The following SPINK5 variants were observed in gnomAD, a reference collection of about 807,000 sequenced individuals.
SPINK5 encodes the protein serine protease inhibitor Kazal-type 5.
SPINK5 carries 125 observed loss-of-function variants against 151.8 expected under a neutral mutation model. The observed-to-expected ratio is 0.82, with a 90% CI of 0.71 to 0.96. The LOEUF is 0.96. SPINK5 is among the 40% of genes least tolerant of loss of function. The probability of loss-of-function intolerance (pLI) is 0.00; values close to 1 mark genes in which losing one functional copy is unlikely to be tolerated. For synonymous variants in SPINK5, 374 were observed against 395.3 expected, an observed-to-expected ratio of 0.95 and a Z score of 0.64; for missense variants, 1,194 against 1,291.9, an observed-to-expected ratio of 0.92 and a Z score of 1.16.
intron 30 of SPINK5, among the ~76,000 whole-genome samples, chr5:148,130,180 T>G (rs914730372): frequency 6.6e-6 from 1 of 151,996 alleles, no homozygotes; most frequent in African/African-American, 2.4e-5. Flanking sequence ...TTCTAATATA[T>G]GTATTAAAGT....
intron 30 of SPINK5, among the ~76,000 whole-genome samples, chr5:148,128,210 T>C (rs964041139): frequency 2.0e-5 from 2 of 102,306 alleles, no homozygotes; most frequent in African/African-American, 8.6e-5. Flanking sequence ...AGAAGAGCTA[T>C]TAACAAAATA....
Position 148,068,381 on chromosome 5 carries a change from T to C in SPINK5, c.82-1942T>C, listed in dbSNP as rs569720223. ...AGAGGCTAGATTAAGTACATCATTA[T>C]TCATCCAGGCAAGTATACTTCTGTT... On this transcript the variant is annotated intron_variant, in intron 2 of 32. Coordinates refer to ENST00000256084, the MANE Select transcript of SPINK5 (RefSeq NM_006846.4). Among the ~76,000 whole-genome samples, 3 of 152,070 alleles carry C rather than the reference T, an allele frequency of 2.0e-5. No individual in the cohort carries two copies. The East Asian group carries it at 5.8e-4, about 30-fold the overall frequency.
intron 17 of SPINK5, among the ~76,000 whole-genome samples, chr5:148,108,132 G>GGTAATGA (rs1753829460): frequency 6.6e-6 from 1 of 152,142 alleles, no homozygotes; most frequent in South Asian, 2.1e-4. Flanking sequence ...TGTAGTAAAT[G>GGTAATGA]CTAAGGATTT....
intron 3 of SPINK5, among the ~76,000 whole-genome samples, chr5:148,070,882 C>T (rs141897488): frequency 3.6e-4 from 55 of 152,186 alleles, no homozygotes; most frequent in African/African-American, 1.3e-3. Flanking sequence ...AGCCAACCAG[C>T]AGAAGGACTT....
At chr5:148,078,902 A>G (rs1752951439) in intron 4 of SPINK5, among the ~76,000 whole-genome samples, 1 of 150,734 alleles carries the variant, frequency 6.6e-6, no homozygotes. Context: ...AAGCAAGCAG[A>G]AGAAGAAACA....
Position 148,086,532 on chromosome 5 carries a change from C to G in SPINK5, c.410C>G (p.Ala137Gly), listed in dbSNP as rs774354593. The G allele has an allele frequency of 6.2e-7, 1 of 1,610,454 alleles. No homozygotes were observed. The highest frequency in any genetic ancestry group is 8.5e-7 in the Non-Finnish European group (1 of 1,178,140). ...AGATGTGCACTGTGTGCTGAGAATG[C>G]GTGAGTATTCTCTGAAGTAGGCTTT... ...DNRCALCAEN[A>G]KTGSQIGVKS... Residue 137 changes from alanine (A) to glycine (G), a missense_variant and splice_region_variant, in exon 5 of 33, where the codon GCG (alanine) becomes GGG (glycine). Physicochemically the swap from Ala to Gly is moderately conservative, Grantham distance 60. Coordinates refer to ENST00000256084, the MANE Select transcript of SPINK5 (RefSeq NM_006846.4).
In SPINK5 at chr5:148,125,536, C is replaced by T. The variant is rs575994790; in HGVS notation, c.2740-187C>T. The T allele has an allele frequency of 6.8e-6, 11 of 1,613,846 alleles. No homozygotes were observed. In the South Asian group the frequency reaches 1.2e-4, roughly 18 times the overall value. ...CTACATTTTTCAGGACCAGTGCAGACAGGTTCAGAATGAAGCGGAGGATGC... is the reference window on the plus strand; with the variant it reads ...CTACATTTTTCAGGACCAGTGCAGATAGGTTCAGAATGAAGCGGAGGATGC... On this transcript the variant is annotated intron_variant, in intron 28 of 32. Coordinates refer to ENST00000256084, the MANE Select transcript of SPINK5 (RefSeq NM_006846.4).
In SPINK5 at chr5:148,119,595, G is replaced by C. The variant is rs771335451; in HGVS notation, c.2314-414G>C. 4.6e-5 allele frequency among the ~76,000 whole-genome samples: 7 copies of C among 152,322 alleles called. No homozygotes were observed. The East Asian group carries it at 1.4e-3, about 29-fold the overall frequency. On this transcript the variant is annotated intron_variant, in intron 24 of 32. Coordinates refer to ENST00000256084, the MANE Select transcript of SPINK5 (RefSeq NM_006846.4). ...TTTCTCTAACTTCTAGAAGCTACCTGTATTCCTTGGCTTGTGGCCACCCTT... is the reference window on the plus strand; with the variant it reads ...TTTCTCTAACTTCTAGAAGCTACCTCTATTCCTTGGCTTGTGGCCACCCTT...
rs770232513 is a variant in SPINK5, at chr5:148,116,418, A to T, written c.2064A>T (p.Arg688Ser). 5.6e-6 allele frequency: 9 copies of T among 1,614,204 alleles called. No individual in the cohort carries two copies. The South Asian group carries it at 7.7e-5, about 14-fold the overall frequency. The change falls in exon 22 of 33, where the codon AGA (arginine) becomes AGT (serine). Residue 688 changes from arginine to serine, a missense_variant. Transcript: ENST00000256084. The stretch of plus-strand genomic sequence containing the variant: ...AGAGGAAAGAAGAGGAAGATCAGAG[A>T]AATGCTGCAGGACATGGTTCCAGTG... ...ERKRKEEEDQ[R>S]NAAGHGSSGG...
At chr5:148,105,623 C>A (rs1753760363) in intron 16 of SPINK5, among the ~76,000 whole-genome samples, 1 of 150,478 alleles carries the variant, frequency 6.6e-6, no homozygotes, top group African/African-American at 2.4e-5. Context: ...TTCTTTTTTT[C>A]TGTTTTTTTT....
chr5:148,097,544 C>A (rs1411289200), intron 10 of SPINK5, among the ~76,000 whole-genome samples: 3 of 151,956 alleles, frequency 2.0e-5, no homozygotes, highest in African/African-American at 7.2e-5. Context: ...TTATTCTTTT[C>A]ATTGTACTTG....
rs111631664 is a variant in SPINK5, at chr5:148,133,780, C to T, written c.3096-17C>T. On this transcript the variant is annotated splice_polypyrimidine_tract_variant and intron_variant, in intron 31 of 32. Transcript: ENST00000256084. ...GAGAACTTCCTCGTTGTTGAAGCATCCTCTGATCTGTTTTAGGATACGCCA... is the reference window on the plus strand; with the variant it reads ...GAGAACTTCCTCGTTGTTGAAGCATTCTCTGATCTGTTTTAGGATACGCCA... The T allele has an allele frequency of 1.9e-5, 30 of 1,612,908 alleles. No individual in the cohort carries two copies. In the South Asian group the frequency reaches 3.1e-4, roughly 17 times the overall value.
At chr5:148,067,020 A>G (rs1315431957) in intron 2 of SPINK5, among the ~76,000 whole-genome samples, 1 of 152,308 alleles carries the variant, frequency 6.6e-6, no homozygotes, top group African/African-American at 2.4e-5. Flanking sequence ...CAAGTTTAGT[A>G]GCTTGGGTTC....
intron 31 of SPINK5, among the ~76,000 whole-genome samples, chr5:148,133,311 A>G (rs1267406997): frequency 6.6e-6 from 1 of 152,230 alleles, no homozygotes; most frequent in Non-Finnish European, 1.5e-5. Context: ...ACCAGAGGCA[A>G]ACAAGTACAT....
intron 19 of SPINK5, among the ~76,000 whole-genome samples, chr5:148,112,185 G>C (rs1371911281): frequency 6.6e-6 from 1 of 152,156 alleles, no homozygotes; most frequent in East Asian, 1.9e-4. Context: ...TTCTCTGCAA[G>C]CATAGGTCAC....
At chr5:148,126,877 C>T (rs1754445104) in intron 29 of SPINK5, 106 bp from the exon 30 acceptor site, 4 of 961,862 alleles carry the variant, frequency 4.2e-6, no homozygotes, top group African/African-American at 1.7e-5. Flanking sequence ...CAGGCGTGAA[C>T]TACCATGCCT....
chr5:148,137,025 T>C lies in SPINK5; in HGVS notation c.*34T>C, dbSNP rs1554107995. 1.4e-5 allele frequency: 23 copies of C among 1,613,138 alleles called. 1 individual carries two copies. In the South Asian group the frequency reaches 2.4e-4, roughly 17 times the overall value. ...TTGTTGAAAGCCATGAGGGAAAAAA[T>C]AAACCCCAGTTCTGAATCACCTACC... On this transcript the variant is annotated 3_prime_UTR_variant, in exon 33 of 33. Coordinates refer to ENST00000256084, the MANE Select transcript of SPINK5 (RefSeq NM_006846.4).
At position 148,094,454 on chromosome 5, in the gene SPINK5, A is replaced by G. The variant is rs770173381; in HGVS notation, c.767A>G (p.Asn256Ser). Residue 256 changes from asparagine to serine, a missense_variant, in exon 9 of 33, where the codon AAC (asparagine) becomes AGC (serine). By Grantham distance (46) the Asn-to-Ser change is conservative. Coordinates refer to ENST00000256084, the MANE Select transcript of SPINK5 (RefSeq NM_006846.4). ...VRGPDGRMHG[N>S]KCALCAEIFK... is the part of the protein sequence containing the mutation. Reference sequence around the variant, plus strand: ...GGCCCTGACGGCAGGATGCATGGCAACAAATGTGCCCTGTGTGCTGAAATT... The same window carrying G: ...GGCCCTGACGGCAGGATGCATGGCAGCAAATGTGCCCTGTGTGCTGAAATT... 1 of 1,612,778 alleles carries G rather than the reference A, an allele frequency of 6.2e-7. No homozygotes were observed. The highest frequency in any genetic ancestry group is 8.5e-7 in the Non-Finnish European group (1 of 1,179,102).
intron 31 of SPINK5, among the ~76,000 whole-genome samples, chr5:148,132,786 A>T (rs1030750116): frequency 2.1e-4 from 32 of 152,172 alleles, no homozygotes; most frequent in Admixed American, 1.0e-3. Context: ...AAGAAAATTT[A>T]AAAAAATGTG....
Sources: gnomAD v4.1 joint callset for allele counts (sites outside exome capture counted in the v4.1 genomes callset) on GRCh38, gnomAD v4.1.1 for gene constraint, MANE v1.5 for transcripts, NCBI Gene and HGNC (gene_info 2026-07-23, HGNC 2026-07-21) for gene names.